MTMR8: variants seen among roughly 807,000 people sequenced by gnomAD.
The protein encoded by MTMR8 is myotubularin related protein 8, also known as phosphatidylinositol-3,5-bisphosphate 3-phosphatase MTMR8.
MTMR8 carries 65 observed loss-of-function variants against 39.3 expected under a neutral mutation model. The ratio of observed to expected loss-of-function variants is 1.65; its 90% confidence interval spans 1.35 to 2.03. The LOEUF (loss-of-function observed/expected upper bound fraction) is 2.03. MTMR8 is among the 30% of genes most tolerant of loss of function. The probability of loss-of-function intolerance (pLI) is 0.00; values close to 1 mark genes in which losing one functional copy is unlikely to be tolerated. For missense variants in MTMR8, 777 were observed against 538.9 expected, an observed-to-expected ratio of 1.44 and a Z score of -4.37; for synonymous variants, 245 against 185.2, an observed-to-expected ratio of 1.32 and a Z score of -2.62.
intron 12 of MTMR8, among the ~76,000 whole-genome samples, chrX:64,327,582 A>G (rs931265425): frequency 2.4e-4 from 27 of 112,583 alleles, no homozygotes; most frequent in African/African-American, 8.4e-4. Flanking sequence ...ATCAGTGGAA[A>G]TGTAAATTCG....
chrX:64,333,116 CA>C (rs1003302640), intron 10 of MTMR8, among the ~76,000 whole-genome samples: 15 of 111,936 alleles, frequency 1.3e-4, no homozygotes, highest in Non-Finnish European at 2.1e-4. Flanking sequence ...TCTCTGCTTC[CA>C]CATCCTGACT....
At chrX:64,342,374 C>G (rs1296019) in intron 8 of MTMR8, among the ~76,000 whole-genome samples, 1 of 111,122 alleles carries the variant, frequency 9.0e-6, no homozygotes, top group African/African-American at 3.3e-5. Context: ...GAAGTTCTCA[C>G]GCTTGGGATA....
chrX:64,391,391 T>C (rs1290659018), intron 1 of MTMR8, among the ~76,000 whole-genome samples: 1 of 112,520 alleles, frequency 8.9e-6, no homozygotes, highest in Non-Finnish European at 1.9e-5. Context: ...CATAACACTA[T>C]TCTCTAGAGT....
chrX:64,370,091 G>C (rs1037723400), intron 1 of MTMR8, among the ~76,000 whole-genome samples: 1 of 111,274 alleles, frequency 9.0e-6, no homozygotes, highest in African/African-American at 3.3e-5. Context: ...ATAAAAACAA[G>C]AGGTAGCTTT....
intron 12 of MTMR8, among the ~76,000 whole-genome samples, chrX:64,308,799 T>C (rs145456819): frequency 8.9e-4 from 99 of 111,483 alleles, no homozygotes; most frequent in Middle Eastern, 4.6e-3. Context: ...CTAGATTCAA[T>C]TTTTTTCTTT....
At chrX:64,331,793 G>A in intron 10 of MTMR8, 36 bp from the exon 11 acceptor site, 2 of 1,097,766 alleles carry the variant, frequency 1.8e-6, no homozygotes, top group Non-Finnish European at 2.5e-6. Flanking sequence ...AAAGACACTA[G>A]TTAGCATTAA....
intron 13 of MTMR8, 124 bp from the exon 14 acceptor site, chrX:64,269,167 C>A (rs1419719438): frequency 2.5e-5 from 16 of 638,277 alleles, no homozygotes; most frequent in Non-Finnish European, 3.8e-5. Flanking sequence ...ACCTTTTGCT[C>A]ACCCCCTCCC....
chrX:64,295,536 G>C (rs1251622717), intron 12 of MTMR8, among the ~76,000 whole-genome samples: 1 of 111,084 alleles, frequency 9.0e-6, no homozygotes, highest in Non-Finnish European at 1.9e-5. Context: ...ACCAGAGAAT[G>C]GGAGAAAATA....
chrX:64,272,532 G>A (rs184642710), intron 12 of MTMR8, among the ~76,000 whole-genome samples: 24 of 111,316 alleles, frequency 2.2e-4, no homozygotes, highest in Admixed American at 1.9e-3. Context: ...AGGACCTATG[G>A]GACACCATTA....
chrX:64,388,129 T>C, intron 1 of MTMR8, among the ~76,000 whole-genome samples: 1 of 112,066 alleles, frequency 8.9e-6, no homozygotes, highest in Admixed American at 9.4e-5. Context: ...TGAATCCATC[T>C]ACTGTCCTGA....
intron 12 of MTMR8, among the ~76,000 whole-genome samples, chrX:64,281,128 G>T (rs775053222): frequency 1.4e-4 from 16 of 111,365 alleles, no homozygotes; most frequent in Non-Finnish European, 2.3e-4. Flanking sequence ...ACTGCCCAAG[G>T]TAATTTAGAG....
At chrX:64,348,832 C>A (rs774049874) in intron 5 of MTMR8, 38 bp from the exon 6 acceptor site, 2 of 1,199,695 alleles carry the variant, frequency 1.7e-6, no homozygotes, top group Admixed American at 4.4e-5. Flanking sequence ...TGATTATATT[C>A]ACAAATGGTC....
chrX:64,326,658 A>G (rs1472725865), intron 12 of MTMR8, among the ~76,000 whole-genome samples: 1 of 111,202 alleles, frequency 9.0e-6, no homozygotes, highest in Admixed American at 9.6e-5. Context: ...CTAACAAAAT[A>G]CCAATGGCAT....
intron 12 of MTMR8, among the ~76,000 whole-genome samples, chrX:64,300,943 T>G (rs1172278907): frequency 8.2e-5 from 9 of 109,867 alleles, no homozygotes; most frequent in Non-Finnish European, 1.7e-4. Flanking sequence ...TGCCGAGAGA[T>G]CCGCTGTTAG....
At chrX:64,314,293 C>T (rs1477031578) in intron 12 of MTMR8, among the ~76,000 whole-genome samples, 1 of 112,798 alleles carries the variant, frequency 8.9e-6, no homozygotes, top group Non-Finnish European at 1.9e-5. Flanking sequence ...CAGCGGGGTG[C>T]ATGCTTGTTT....
intron 4 of MTMR8, among the ~76,000 whole-genome samples, chrX:64,354,449 CATA>C (rs1212609474): frequency 1.8e-5 from 2 of 110,808 alleles, no homozygotes; most frequent in Non-Finnish European, 3.8e-5. Context: ...ATTATATATC[CATA>C]ATAATTAAAA....
intron 12 of MTMR8, among the ~76,000 whole-genome samples, chrX:64,310,900 T>C (rs953716265): frequency 1.8e-5 from 2 of 112,223 alleles, no homozygotes; most frequent in Non-Finnish European, 3.8e-5. Flanking sequence ...CAGTCTATCA[T>C]TGATAAACAT....
intron 12 of MTMR8, among the ~76,000 whole-genome samples, chrX:64,281,148 T>C (rs999594180): frequency 9.0e-6 from 1 of 111,330 alleles, no homozygotes; most frequent in Non-Finnish European, 1.9e-5. Context: ...GATTCAATGC[T>C]CTTCCCATCA....
intron 11 of MTMR8, 105 bp downstream of exon 11, chrX:64,331,452 T>G (rs1189673309): frequency 1.5e-6 from 1 of 658,137 alleles, no homozygotes; most frequent in African/African-American, 2.2e-5. Context: ...TATTGTTATC[T>G]CCTCCCCTTT....
Sources: allele counts gnomAD v4.1 joint callset (sites outside exome capture counted in the v4.1 genomes callset), GRCh38; gene constraint gnomAD v4.1.1; transcripts MANE v1.5; gene names NCBI Gene and HGNC (gene_info 2026-07-23, HGNC 2026-07-21).